Variants in PPP1R1A observed in about 807,000 individuals in gnomAD.
The protein encoded by PPP1R1A is protein phosphatase 1 regulatory subunit 1A.
A neutral mutation model predicts 23.9 loss-of-function variants in PPP1R1A; 18 were observed. The observed-to-expected ratio is 0.75, with a 90% CI of 0.52 to 1.12. The LOEUF (loss-of-function observed/expected upper bound fraction) is 1.12. Among genes scored for constraint, PPP1R1A ranks in the 50% most tolerant of loss-of-function variants. PPP1R1A has a pLI of 0.00. For missense variants in PPP1R1A, 207 were observed against 223.8 expected (o/e 0.92, Z 0.48); for synonymous variants, 84 against 80.7 (o/e 1.04, Z -0.22).
At position 54,580,991 on chromosome 12, in the gene PPP1R1A, CT is replaced by C; in HGVS notation, c.462del (p.Glu155AsnfsTer52). The C allele has an allele frequency of 6.2e-7, 1 of 1,613,930 alleles. No individual in the cohort carries two copies. ...AGTGGTGGTATATGGGTTGAGGGTTCTTTTGTGCTGGGTTCCTTACTGCCTC... is the reference window on the plus strand; with the variant it reads ...AGTGGTGGTATATGGGTTGAGGGTTCTTTGTGCTGGGTTCCTTACTGCCTC... The part of the protein sequence containing the change: ...HERGSKEPST[K>X]EPSTHIPPLD... On this transcript the variant is annotated frameshift_variant, in exon 6 of 7. Transcript: ENST00000257905. LOFTEE classifies it high-confidence loss of function.
chr12:54,579,783 A>C lies in PPP1R1A; in HGVS notation c.*604T>G. On this transcript the variant is annotated 3_prime_UTR_variant, in exon 7 of 7. Coordinates refer to ENST00000257905, the MANE Select transcript of PPP1R1A (RefSeq NM_006741.4). ...AACACATCCTGAAGCTTGGGAATCC[A>C]AAAGGAAGGCAGCTGGGGCTTGGAG... 1.0e-6 allele frequency: 1 copy of C among 985,712 alleles called. No individual in the cohort carries two copies. Among genetic ancestry groups the C allele is most frequent in the Non-Finnish European group, 1.2e-6 (1 of 830,156 alleles). 61.1% of individuals were successfully genotyped at this position (985,712 alleles called of 1,614,324 possible). A position where few individuals can be genotyped will look rare whatever the true frequency, so the allele number is the denominator to read the frequency against.
At chr12:54,580,860 A>C in intron 6 of PPP1R1A, 84 bp downstream of exon 6, 1 of 1,169,724 alleles carries the variant, frequency 8.5e-7, no homozygotes, top group Middle Eastern at 1.9e-4. Context: ...TCCTTTTCCT[A>C]GACTCCAAAT....
At chr12:54,582,159 AC>A in intron 4 of PPP1R1A, 28 bp from the exon 5 acceptor site, 1 of 1,595,102 alleles carries the variant, frequency 6.3e-7, no homozygotes, top group Non-Finnish European at 8.5e-7. Context: ...GGGAGGGAAC[AC>A]TGGATATGAC....
intron 1 of PPP1R1A, among the ~76,000 whole-genome samples, chr12:54,586,436 C>T (rs894039085): frequency 5.3e-5 from 8 of 152,126 alleles, no homozygotes; most frequent in African/African-American, 9.7e-5. Context: ...AACTTCGCCT[C>T]GGATTTCTTT....
rs949413352 is a variant in PPP1R1A at position 54,581,249 on chromosome 12, A to C, written c.404-199T>G. Among the ~76,000 whole-genome samples the C allele has an allele frequency of 2.0e-5, 3 of 152,190 alleles. No individual in the cohort carries two copies. The highest frequency in any genetic ancestry group is 7.2e-5 in the African/African-American group (3 of 41,440). The stretch of plus-strand genomic sequence containing the variant: ...ATATGTTCACTTTTAAAAAATCTTC[A>C]ATCAAATTGGAAAGAATAAACCCTC... On this transcript the variant is annotated intron_variant, in intron 5 of 6. Transcript: ENST00000257905. This position sits in a 1 kb window ranked among gnomAD's most constrained non-coding sequence, Gnocchi z 4.1.
At position 54,579,982 on chromosome 12, in the gene PPP1R1A, C is replaced by A; in HGVS notation, c.*405G>T. 1 of 1,003,772 alleles carries A rather than the reference C, an allele frequency of 1.0e-6. No individual in the cohort carries two copies. Among genetic ancestry groups the A allele is most frequent in the Middle Eastern group, 5.1e-4 (1 of 1,966 alleles). The allele number at this position is 1,003,772 out of a possible 1,614,324, so 62.2% of individuals were successfully genotyped here. A position where few individuals can be genotyped will look rare whatever the true frequency, so the allele number is the denominator to read the frequency against. On this transcript the variant is annotated 3_prime_UTR_variant, in exon 7 of 7. Transcript: ENST00000257905. ...CTGCAGGGCAGGCCTGTGAGGTGGTCGGATCGTTCCTCAATAAGAAAAGAG... is the reference window on the plus strand; with the variant it reads ...CTGCAGGGCAGGCCTGTGAGGTGGTAGGATCGTTCCTCAATAAGAAAAGAG...
At chr12:54,586,132 G>A (rs1184630847) in intron 1 of PPP1R1A, among the ~76,000 whole-genome samples, 1 of 152,174 alleles carries the variant, frequency 6.6e-6, no homozygotes, top group Non-Finnish European at 1.5e-5. Context: ...GTGGCGATCA[G>A]TGGGTTGAGA....
At chr12:54,586,360 T>C (rs1005901489) in intron 1 of PPP1R1A, among the ~76,000 whole-genome samples, 1 of 152,150 alleles carries the variant, frequency 6.6e-6, no homozygotes, top group African/African-American at 2.4e-5. Context: ...TAGTGGGAAA[T>C]AAGTAGATGG....
In PPP1R1A at chr12:54,579,304, A is replaced by G; in HGVS notation, c.*1083T>C. On this transcript the variant is annotated 3_prime_UTR_variant, in exon 7 of 7. Transcript: ENST00000257905. ...ATCTTCACATACATACACTCTTTCCAGCATGATAAAATCTGGGTGAGGCGT... is the reference window on the plus strand; with the variant it reads ...ATCTTCACATACATACACTCTTTCCGGCATGATAAAATCTGGGTGAGGCGT... 1 of 983,704 alleles carries G rather than the reference A, an allele frequency of 1.0e-6. No homozygotes were observed. The highest frequency in any genetic ancestry group is 4.7e-5 in the South Asian group (1 of 21,150). 60.9% of individuals were successfully genotyped at this position (983,704 alleles called of 1,614,324 possible).
chr12:54,582,823 C>A, intron 3 of PPP1R1A, 28 bp from the exon 4 acceptor site: 1 of 1,608,218 alleles, frequency 6.2e-7, no homozygotes, highest in South Asian at 1.1e-5. Flanking sequence ...CACAGATGGG[C>A]GCCAGCCCCC....
Position 54,588,511 on chromosome 12 carries a change from C to G in PPP1R1A, c.-23G>C. 7.6e-7 allele frequency: 1 copy of G among 1,320,936 alleles called. No individual in the cohort carries two copies. The highest frequency in any genetic ancestry group is 2.1e-5 in the South Asian group (1 of 47,974). The allele number at this position is 1,320,936 out of a possible 1,614,324, so 81.8% of individuals were successfully genotyped here. ...CATGGCTGGGGCGGCGGCCGGTGGG[C>G]CCGCGCTGCGGCGGGAGGGAAGGCG... On this transcript the variant is annotated 5_prime_UTR_variant, in exon 1 of 7. Coordinates refer to ENST00000257905, the MANE Select transcript of PPP1R1A (RefSeq NM_006741.4).
At position 54,581,236 on chromosome 12, in the gene PPP1R1A, TTAA is replaced by T. The variant is rs1370699625; in HGVS notation, c.404-189_404-187del. ...CACAATTACTACTATATGTTCACTT[TTAA>T]AAAATCTTCAATCAAATTGGAAAGA... On this transcript the variant is annotated intron_variant, in intron 5 of 6. Coordinates refer to ENST00000257905, the MANE Select transcript of PPP1R1A (RefSeq NM_006741.4). The surrounding 1 kb of genome is among the most constrained non-coding windows in gnomAD (Gnocchi z 4.1). 6.6e-6 allele frequency among the ~76,000 whole-genome samples: 1 copy of T among 152,204 alleles called. No homozygotes were observed. Among genetic ancestry groups the T allele is most frequent in the Admixed American group, 6.5e-5 (1 of 15,290 alleles).
chr12:54,586,678 G>A (rs1957914803), intron 1 of PPP1R1A, among the ~76,000 whole-genome samples: 1 of 152,154 alleles, frequency 6.6e-6, no homozygotes, highest in Non-Finnish European at 1.5e-5. Flanking sequence ...AGTGAAAGTA[G>A]GCCCAAGTCC....
chr12:54,584,184 C>T, intron 2 of PPP1R1A, 76 bp downstream of exon 2: 1 of 1,382,696 alleles, frequency 7.2e-7, no homozygotes, highest in Admixed American at 2.0e-5. Context: ...CTTCTTCCAT[C>T]TAGCGCCCAT....
Position 54,587,997 on chromosome 12 carries a change from C to A in PPP1R1A, c.84+408G>T, listed in dbSNP as rs1957926801. ...CTCCATTACCGACCCCTCCCCAGGC[C>A]CCTCCCGCACTGCTGCTGATTCCCT... On this transcript the variant is annotated intron_variant, in intron 1 of 6. Transcript: ENST00000257905. Among the ~76,000 whole-genome samples, 4 of 152,202 alleles carry A rather than the reference C, an allele frequency of 2.6e-5. No individual in the cohort carries two copies. The South Asian group carries it at 8.3e-4, about 32-fold the overall frequency.
In PPP1R1A at chr12:54,579,796, C is replaced by G; in HGVS notation, c.*591G>C. The G allele has an allele frequency of 1.0e-6, 1 of 985,680 alleles. No homozygotes were observed. Among genetic ancestry groups the G allele is most frequent in the Non-Finnish European group, 1.2e-6 (1 of 830,120 alleles). The allele number at this position is 985,680 out of a possible 1,614,324, so 61.1% of individuals were successfully genotyped here. ...GCTTGGGAATCCAAAAGGAAGGCAG[C>G]TGGGGCTTGGAGGGCAGGCGAGGAG... is the stretch of plus-strand genomic sequence containing the variant. On this transcript the variant is annotated 3_prime_UTR_variant, in exon 7 of 7. Transcript: ENST00000257905.
intron 1 of PPP1R1A, 143 bp from the exon 2 acceptor site, chr12:54,584,463 T>C (rs1429242899): frequency 6.8e-6 from 5 of 739,186 alleles, no homozygotes; most frequent in Non-Finnish European, 1.1e-5. Flanking sequence ...TGGAGGCCAT[T>C]ATCCTAAGCA....
At chr12:54,580,838 G>T in intron 6 of PPP1R1A, 106 bp downstream of exon 6, 2 of 967,190 alleles carry the variant, frequency 2.1e-6, no homozygotes, top group Non-Finnish European at 3.4e-6. Context: ...GACTGAAGCT[G>T]GTTCTTTGTT....
chr12:54,582,910 G>T, intron 3 of PPP1R1A, 115 bp from the exon 4 acceptor site: 4 of 1,163,708 alleles, frequency 3.4e-6, no homozygotes, highest in Non-Finnish European at 4.9e-6. Context: ...CCTCTGCCTT[G>T]CCAGGCTTTT....
Sources: gnomAD v4.1 joint callset for allele counts (sites outside exome capture counted in the v4.1 genomes callset) on GRCh38, gnomAD v4.1.1 for gene constraint, Gnocchi (gnomAD v3.1) non-coding constraint, MANE v1.5 for transcripts, NCBI Gene and HGNC (gene_info 2026-07-23, HGNC 2026-07-21) for gene names.